Variants in USP34 observed in about 807,000 individuals in gnomAD.
The protein encoded by USP34 is ubiquitin specific peptidase 34.
Under a neutral mutation model 460.3 loss-of-function variants are expected in USP34, and 70 were observed. The ratio of observed to expected loss-of-function variants is 0.15; its 90% CI spans 0.13 to 0.19. The LOEUF (loss-of-function observed/expected upper bound fraction) is 0.19, where lower values mean the gene tolerates loss of function less well. Ranked by LOEUF, USP34 falls within the 10% of genes least tolerant of loss-of-function variation. USP34 has a pLI of 1.00. For missense variants in USP34, 3,985 were observed against 4,236.2 expected, an observed-to-expected ratio of 0.94 and a Z score of 1.65; for synonymous variants, 1,647 against 1,405.3, an observed-to-expected ratio of 1.17 and a Z score of -3.85.
chr2:61,394,533 CAAAAAA>C (rs200686763), intron 5 of USP34, among the ~76,000 whole-genome samples: 4 of 110,060 alleles, frequency 3.6e-5, no homozygotes, highest in Non-Finnish European at 5.6e-5. Flanking sequence ...CCCTCTCTCT[CAAAAAA>C]AAAAAAAAAA....
Position 61,374,658 on chromosome 2 carries a change from G to A in USP34, c.1076+3705C>T, listed in dbSNP as rs939513733. Among the ~76,000 whole-genome samples, 12 of 151,438 alleles carry A rather than the reference G, an allele frequency of 7.9e-5. No homozygotes were observed. In the East Asian group the frequency reaches 1.6e-3, roughly 20 times the overall value. The stretch of plus-strand genomic sequence containing the variant: ...GACTACTTGCTCTGTTGCCCAGGCC[G>A]AAGTGCAGTGGCGCAACTTCGGCTC... On this transcript the variant is annotated intron_variant, in intron 8 of 79. Transcript: ENST00000398571.
At chr2:61,454,968 AC>A (rs1476179482) in intron 1 of USP34, among the ~76,000 whole-genome samples, 4 of 133,088 alleles carry the variant, frequency 3.0e-5, no homozygotes, top group African/African-American at 1.2e-4. Context: ...TGCAACCTCC[AC>A]CTCCCAAGTT....
At chr2:61,287,488 C>G (rs1391634107) in intron 34 of USP34, among the ~76,000 whole-genome samples, 1 of 152,196 alleles carries the variant, frequency 6.6e-6, no homozygotes, top group Non-Finnish European at 1.5e-5. Context: ...CTGCACAGAT[C>G]CACTTGTATC....
intron 10 of USP34, among the ~76,000 whole-genome samples, chr2:61,354,658 A>C (rs1558546151): frequency 6.6e-6 from 1 of 152,136 alleles, no homozygotes; most frequent in Non-Finnish European, 1.5e-5. Flanking sequence ...AGCCGAAAAG[A>C]GTAGCTTTTT....
intron 27 of USP34, among the ~76,000 whole-genome samples, chr2:61,311,064 G>A (rs963511399): frequency 2.0e-5 from 3 of 152,092 alleles, no homozygotes; most frequent in Non-Finnish European, 1.5e-5. Flanking sequence ...CATGGATGGT[G>A]GACCTTCAAA....
intron 1 of USP34, among the ~76,000 whole-genome samples, chr2:61,422,719 G>A (rs748498156): frequency 1.3e-5 from 2 of 152,152 alleles, no homozygotes; most frequent in African/African-American, 4.8e-5. Flanking sequence ...TACACAAGAA[G>A]AACTGTTAGA....
At chr2:61,435,279 G>C (rs1694779971) in intron 1 of USP34, among the ~76,000 whole-genome samples, 1 of 126,616 alleles carries the variant, frequency 7.9e-6, no homozygotes, top group Non-Finnish European at 1.6e-5. Context: ...ATTCTATCTA[G>C]CCTGGGCAAC....
At chr2:61,445,365 C>G (rs1287674321) in intron 1 of USP34, among the ~76,000 whole-genome samples, 1 of 149,814 alleles carries the variant, frequency 6.7e-6, no homozygotes, top group Non-Finnish European at 1.5e-5. Flanking sequence ...GAAACCCCAT[C>G]TCTACGAAAA....
chr2:61,292,955 A>G lies in USP34; in HGVS notation c.4548+509T>C, dbSNP rs961135664. On this transcript the variant is annotated intron_variant, in intron 33 of 79. Coordinates refer to ENST00000398571, the MANE Select transcript of USP34 (RefSeq NM_014709.4). Reference sequence around the variant, plus strand: ...TTTTGTTGAGGACCAATACTTTTGTAAAGTATTATAAAATACAGCAACAAT... The same window carrying G: ...TTTTGTTGAGGACCAATACTTTTGTGAAGTATTATAAAATACAGCAACAAT... 4.6e-5 allele frequency among the ~76,000 whole-genome samples: 7 copies of G among 152,154 alleles called. No homozygotes were observed. The South Asian group carries it at 8.3e-4, about 18-fold the overall frequency.
chr2:61,339,191 A>C (rs977684720), intron 18 of USP34, among the ~76,000 whole-genome samples, 160 bp downstream of exon 18: 1 of 152,158 alleles, frequency 6.6e-6, no homozygotes, highest in Admixed American at 6.5e-5. Context: ...CCATGTTAAG[A>C]AGAAACCTCT....
At position 61,471,071 on chromosome 2, in the gene USP34, C is replaced by T. The variant is rs1695948884; in HGVS notation, c.-379G>A. The stretch of plus-strand genomic sequence containing the variant: ...ACCGCCGACGCCGCCGCCATTTTAA[C>T]AGAGCGCTCGGGCTGCGCTCGGCTC... On this transcript the variant is annotated 5_prime_UTR_variant, in exon 1 of 80. Transcript: ENST00000398571. 1 of 216,130 alleles carries T rather than the reference C, an allele frequency of 4.6e-6. No individual in the cohort carries two copies. Among genetic ancestry groups the T allele is most frequent in the Non-Finnish European group, 9.2e-6 (1 of 109,128 alleles). The allele number at this position is 216,130 out of a possible 1,614,324, so 13.4% of individuals were successfully genotyped here. A position where few individuals can be genotyped will look rare whatever the true frequency, so the allele number is the denominator to read the frequency against.
At chr2:61,466,895 C>G (rs939284479) in intron 1 of USP34, among the ~76,000 whole-genome samples, 1 of 149,066 alleles carries the variant, frequency 6.7e-6, no homozygotes, top group Non-Finnish European at 1.5e-5. Flanking sequence ...GAGTTAGACT[C>G]CGTGTCAAAA....
At chr2:61,441,031 G>C (rs562991322) in intron 1 of USP34, among the ~76,000 whole-genome samples, 1 of 151,710 alleles carries the variant, frequency 6.6e-6, no homozygotes, top group African/African-American at 2.4e-5. Flanking sequence ...GGGAGGCTGA[G>C]GCAGGAGAAT....
In USP34 at chr2:61,467,624, T is replaced by G. The variant is rs1011311067; in HGVS notation, c.43+3026A>C. 2.5e-3 allele frequency among the ~76,000 whole-genome samples: 356 copies of G among 144,000 alleles called. 2 individuals are homozygous for G. Among genetic ancestry groups the G allele is most frequent in the African/African-American group, 8.3e-3 (322 of 38,870 alleles). 94.5% of individuals were successfully genotyped at this position (144,000 alleles called of 152,430 possible). A position where few individuals can be genotyped will look rare whatever the true frequency, so the allele number is the denominator to read the frequency against. ...TGGGAGGACTGTAACTTTGTTTTTT[T>G]TTTTTTTTTTTTTGAGATGGAGTCT... On this transcript the variant is annotated intron_variant, in intron 1 of 79. Coordinates refer to ENST00000398571, the MANE Select transcript of USP34 (RefSeq NM_014709.4).
At chr2:61,420,717 T>C in intron 2 of USP34, 29 bp downstream of exon 2, 3 of 1,531,134 alleles carry the variant, frequency 2.0e-6, no homozygotes, top group Non-Finnish European at 2.6e-6. Context: ...TCACAAAAAT[T>C]AGTCTTCGAA....
intron 66 of USP34, among the ~76,000 whole-genome samples, 181 bp downstream of exon 66, chr2:61,221,321 T>C (rs1687578304): frequency 6.6e-6 from 1 of 152,218 alleles, no homozygotes; most frequent in Non-Finnish European, 1.5e-5. Flanking sequence ...TTTATGATGC[T>C]ACAAGAATGT....
At chr2:61,256,972 T>A (rs1688738607) in intron 46 of USP34, 22 bp from the exon 47 acceptor site, 2 of 1,457,872 alleles carry the variant, frequency 1.4e-6, no homozygotes, top group African/African-American at 1.4e-5. Context: ...ACATAAAAAA[T>A]TAATAAAAAC....
chr2:61,379,800 C>G lies in USP34; in HGVS notation c.1014+369G>C, dbSNP rs938303967. Reference sequence around the variant, plus strand: ...CAAACATTTAGTAAAATTTGGCCTACGGCCCAATAATCTATGGTTTCTGCC... The same window carrying G: ...CAAACATTTAGTAAAATTTGGCCTAGGGCCCAATAATCTATGGTTTCTGCC... On this transcript the variant is annotated intron_variant, in intron 7 of 79. Coordinates refer to ENST00000398571, the MANE Select transcript of USP34 (RefSeq NM_014709.4). Among the ~76,000 whole-genome samples, 8 of 152,226 alleles carry G rather than the reference C, an allele frequency of 5.3e-5. No homozygotes were observed. The East Asian group carries it at 1.5e-3, about 29-fold the overall frequency.
intron 19 of USP34, among the ~76,000 whole-genome samples, chr2:61,332,592 G>A (rs931896426): frequency 9.9e-5 from 15 of 151,918 alleles, no homozygotes; most frequent in Admixed American, 2.6e-4. Context: ...CTGCTCGCCC[G>A]TGTTAGCACC....
Sources: gnomAD v4.1 joint callset for allele counts (sites outside exome capture counted in the v4.1 genomes callset) on GRCh38, gnomAD v4.1.1 for gene constraint, MANE v1.5 for transcripts, NCBI Gene and HGNC (gene_info 2026-07-23, HGNC 2026-07-21) for gene names.